The following NHEJ1 variants were observed in gnomAD, a reference collection of about 807,000 sequenced individuals.
NHEJ1 encodes the protein non-homologous end joining factor 1, also known as non-homologous end-joining factor 1.
NHEJ1 carries 22 observed loss-of-function variants against 39.4 expected under a neutral mutation model. That is an observed-to-expected ratio of 0.56 (90% CI 0.40 to 0.80). The LOEUF is 0.80. Among genes scored for constraint, NHEJ1 ranks in the 30% least tolerant of loss-of-function variants. The pLI is 0.00. For synonymous variants in NHEJ1, 154 were observed against 135.6 expected, an observed-to-expected ratio of 1.14 and a Z score of -0.94; for missense variants, 329 against 357.1, an observed-to-expected ratio of 0.92 and a Z score of 0.63.
At chr2:219,155,409 A>T (rs190666586) in intron 3 of NHEJ1, among the ~76,000 whole-genome samples, 6,133 of 151,670 alleles carry the variant, frequency 0.04, 178 homozygotes, top group Middle Eastern at 0.079. Context: ...TCTACAAAAA[A>T]TTTTTTTTAA....
chr2:219,087,569 C>T (rs1318575234), intron 5 of NHEJ1, among the ~76,000 whole-genome samples: 33 of 152,148 alleles, frequency 2.2e-4, no homozygotes, highest in Admixed American at 2.2e-3. Flanking sequence ...CATGGACTCC[C>T]TGCCCCCATC....
At chr2:219,135,715 G>A (rs973299452) in intron 5 of NHEJ1, among the ~76,000 whole-genome samples, 2 of 152,164 alleles carry the variant, frequency 1.3e-5, no homozygotes, top group Non-Finnish European at 1.5e-5. Flanking sequence ...TGTGGCTCAT[G>A]CCTGTAATCC....
chr2:219,141,816 G>A (rs1388091059), intron 5 of NHEJ1, among the ~76,000 whole-genome samples: 4 of 152,114 alleles, frequency 2.6e-5, no homozygotes, highest in African/African-American at 4.8e-5. Flanking sequence ...GAGGATCAGG[G>A]ACCTGATCCT....
intron 5 of NHEJ1, among the ~76,000 whole-genome samples, chr2:219,123,971 C>T (rs1266586411): frequency 1.3e-5 from 2 of 152,124 alleles, no homozygotes; most frequent in East Asian, 1.9e-4. Context: ...AGAATCCTGG[C>T]GGTGGGGGCA....
intron 5 of NHEJ1, among the ~76,000 whole-genome samples, chr2:219,125,123 TA>T (rs5838718): frequency 1.1e-4 from 16 of 145,854 alleles, no homozygotes; most frequent in East Asian, 4.0e-4. Flanking sequence ...CTTTGGAAAT[TA>T]AAAAAAAAAA....
rs1373600869 is a variant in NHEJ1, at chr2:219,072,633, G to C, written c.*3748C>G. On this transcript the variant is annotated 3_prime_UTR_variant, in exon 8 of 8. Coordinates refer to ENST00000356853, the MANE Select transcript of NHEJ1 (RefSeq NM_024782.3). The stretch of plus-strand genomic sequence containing the variant: ...TTAAAACTGACCCTGTTCTCAAAGA[G>C]TATAACCTAATGAAAGGATGAAAAC... Among the ~76,000 whole-genome samples the C allele has an allele frequency of 6.8e-6, 1 of 147,684 alleles. No individual in the cohort carries two copies. The highest frequency in any genetic ancestry group is 6.6e-5 in the Admixed American group (1 of 15,086).
chr2:219,078,659 A>G (rs201236906), intron 5 of NHEJ1, among the ~76,000 whole-genome samples: 2 of 152,220 alleles, frequency 1.3e-5, no homozygotes, highest in East Asian at 3.8e-4. Flanking sequence ...GCAAGAAACA[A>G]TTATGGAGCT....
Position 219,116,012 on chromosome 2 carries a change from C to T in NHEJ1, c.588+30668G>A, listed in dbSNP as rs188880250. 3.8e-3 allele frequency among the ~76,000 whole-genome samples: 573 copies of T among 148,952 alleles called. 2 individuals are homozygous for T. The highest frequency in any genetic ancestry group is 6.3e-3 in the Non-Finnish European group (421 of 67,286). On this transcript the variant is annotated intron_variant, in intron 5 of 7. Transcript: ENST00000356853. ...GTGTGTGCCTGTAGTCCCAGCTACT[C>T]GGAGGGCTGAGGCAGGAGAATCACT...
At chr2:219,116,714 A>T (rs942647243) in intron 5 of NHEJ1, among the ~76,000 whole-genome samples, 1 of 152,128 alleles carries the variant, frequency 6.6e-6, no homozygotes, top group Non-Finnish European at 1.5e-5. Context: ...TAAAGGCCAT[A>T]ATACATGAGA....
chr2:219,151,804 T>C (rs1949798821), intron 3 of NHEJ1, among the ~76,000 whole-genome samples: 1 of 151,908 alleles, frequency 6.6e-6, no homozygotes, highest in African/African-American at 2.4e-5. Flanking sequence ...CTGTCTCTAC[T>C]AAAAACACAA....
intron 5 of NHEJ1, among the ~76,000 whole-genome samples, chr2:219,137,453 G>A (rs1574735043): frequency 6.6e-6 from 1 of 151,056 alleles, no homozygotes; most frequent in Non-Finnish European, 1.5e-5. Flanking sequence ...TAATTAATAA[G>A]TGCAAGGAGA....
chr2:219,117,314 T>C (rs1949425054), intron 5 of NHEJ1, among the ~76,000 whole-genome samples: 2 of 152,246 alleles, frequency 1.3e-5, no homozygotes, highest in Middle Eastern at 6.8e-3. Flanking sequence ...AGAAAATACC[T>C]AGCCAGGCTA....
Position 219,140,308 on chromosome 2 carries a change from A to G in NHEJ1, c.588+6372T>C, listed in dbSNP as rs1353129845. ...TGGTAAAGTCTTTGGATTTTACTCT[A>G]TAAATGAAGTGTTAAGCCAGTGAAG... is the stretch of plus-strand genomic sequence containing the variant. On this transcript the variant is annotated intron_variant, in intron 5 of 7. Transcript: ENST00000356853. Among the ~76,000 whole-genome samples the G allele has an allele frequency of 2.0e-5, 3 of 152,240 alleles. No individual in the cohort carries two copies. The East Asian group carries it at 5.8e-4, about 29-fold the overall frequency.
At chr2:219,146,262 TA>T (rs1330041228) in intron 5 of NHEJ1, among the ~76,000 whole-genome samples, 1 of 152,108 alleles carries the variant, frequency 6.6e-6, no homozygotes, top group Non-Finnish European at 1.5e-5. Flanking sequence ...ATGGTAGCCC[TA>T]AGCTTTTTAC....
rs1483287717 is a variant in NHEJ1 at position 219,111,658 on chromosome 2, C to CACACAA, written c.589-33453_589-33452insTTGTGT. Among the ~76,000 whole-genome samples, 1 of 150,340 alleles carries CACACAA rather than the reference C, an allele frequency of 6.7e-6. No homozygotes were observed. Among genetic ancestry groups the CACACAA allele is most frequent in the Admixed American group, 6.6e-5 (1 of 15,054 alleles). On this transcript the variant is annotated intron_variant, in intron 5 of 7. Coordinates refer to ENST00000356853, the MANE Select transcript of NHEJ1 (RefSeq NM_024782.3). This position sits in a 1 kb window ranked among gnomAD's most constrained non-coding sequence, Gnocchi z 4.1. The stretch of plus-strand genomic sequence containing the variant: ...ACACACACACACACACACACACACA[C>CACACAA]ACACAGAGAGATACATACAGTCAGT...
At chr2:219,140,911 G>T (rs1210828569) in intron 5 of NHEJ1, among the ~76,000 whole-genome samples, 2 of 152,150 alleles carry the variant, frequency 1.3e-5, no homozygotes, top group African/African-American at 2.4e-5. Context: ...CGTGCAAGGA[G>T]TTTGAACTTT....
intron 5 of NHEJ1, among the ~76,000 whole-genome samples, chr2:219,086,060 G>A (rs1949108862): frequency 6.6e-6 from 1 of 152,144 alleles, no homozygotes; most frequent in African/African-American, 2.4e-5. Flanking sequence ...CAAACAGAAG[G>A]CTTGAATAAT....
Position 219,069,392 on chromosome 2 carries a change from G to A in NHEJ1, c.*6989C>T, listed in dbSNP as rs1321226523. ...GAAACGATTTAATCTGTTCATATAGGGTAGGGGTGGAGCAACAGCAGAGAA... is the reference window on the plus strand; with the variant it reads ...GAAACGATTTAATCTGTTCATATAGAGTAGGGGTGGAGCAACAGCAGAGAA... On this transcript the variant is annotated 3_prime_UTR_variant, in exon 8 of 8. Transcript: ENST00000356853. 6.6e-6 allele frequency: 1 copy of A among 152,256 alleles called. No homozygotes were observed. Among genetic ancestry groups the A allele is most frequent in the African/African-American group, 2.4e-5 (1 of 41,448 alleles). The allele number at this position is 152,256 out of a possible 1,614,324, so 9.4% of individuals were successfully genotyped here. A position where few individuals can be genotyped will look rare whatever the true frequency, so the allele number is the denominator to read the frequency against.
At chr2:219,124,921 T>G (rs1433601981) in intron 5 of NHEJ1, among the ~76,000 whole-genome samples, 1 of 152,050 alleles carries the variant, frequency 6.6e-6, no homozygotes, top group Non-Finnish European at 1.5e-5. Flanking sequence ...AAGGCCAGAC[T>G]TGAGCTGCCT....
Sources: gnomAD v4.1 joint callset for allele counts (sites outside exome capture counted in the v4.1 genomes callset) on GRCh38, gnomAD v4.1.1 for gene constraint, Gnocchi (gnomAD v3.1) non-coding constraint, MANE v1.5 for transcripts, NCBI Gene and HGNC (gene_info 2026-07-23, HGNC 2026-07-21) for gene names.